The following SLC35F1 variants were observed in gnomAD, a reference collection of about 807,000 sequenced individuals.
SLC35F1 encodes chromosome 6 open reading frame 169.
Under a neutral mutation model 48.7 loss-of-function variants are expected in SLC35F1, and 14 were observed. That is an observed-to-expected ratio of 0.29 (90% CI 0.19 to 0.45). The LOEUF is 0.45. Among genes scored for constraint, SLC35F1 ranks in the 20% least tolerant of loss-of-function variants. The probability of loss-of-function intolerance (pLI) is 1.00; values close to 1 mark genes in which losing one functional copy is unlikely to be tolerated. For missense variants in SLC35F1, 404 were observed against 500.0 expected, an observed-to-expected ratio of 0.81 and a Z score of 1.83; for synonymous variants, 190 against 202.2, an observed-to-expected ratio of 0.94 and a Z score of 0.51.
intron 1 of SLC35F1, among the ~76,000 whole-genome samples, chr6:117,988,504 G>T (rs1267321435): frequency 6.6e-6 from 1 of 152,190 alleles, no homozygotes; most frequent in East Asian, 1.9e-4. Context: ...TTTATGCAGA[G>T]TTGAAAACTT....
intron 1 of SLC35F1, among the ~76,000 whole-genome samples, chr6:118,123,678 A>G (rs1773584872): frequency 6.8e-6 from 1 of 146,564 alleles, no homozygotes; most frequent in Non-Finnish European, 1.5e-5. Flanking sequence ...TTCTGAATTG[A>G]TACCCTGTAG....
intron 2 of SLC35F1, among the ~76,000 whole-genome samples, chr6:118,226,389 A>G (rs1364892583): frequency 6.6e-6 from 1 of 152,220 alleles, no homozygotes; most frequent in African/African-American, 2.4e-5. Flanking sequence ...AAATCAATAT[A>G]TCAAAGAGTT....
At chr6:117,931,336 A>G (rs1776099371) in intron 1 of SLC35F1, among the ~76,000 whole-genome samples, 1 of 152,220 alleles carries the variant, frequency 6.6e-6, no homozygotes. Context: ...TACAAACAAT[A>G]CTAGTATACA....
rs188622021 is a variant in SLC35F1 at position 117,964,133 on chromosome 6, G to A, written c.173+56234G>A. Among the ~76,000 whole-genome samples the A allele has an allele frequency of 1.4e-4, 21 of 152,262 alleles. No individual in the cohort carries two copies. The East Asian group carries it at 3.7e-3, about 27-fold the overall frequency. On this transcript the variant is annotated intron_variant, in intron 1 of 7. Coordinates refer to ENST00000360388, the MANE Select transcript of SLC35F1 (RefSeq NM_001029858.4). ...GATAATGGCTTCCAGCTCCATCCAC[G>A]TCCCTGCAAAGGACATGATCTTATT...
chr6:117,924,485 C>CGTATATAT (rs1554216922), intron 1 of SLC35F1, among the ~76,000 whole-genome samples: 1,496 of 144,150 alleles, frequency 0.01, 123 homozygotes, highest in African/African-American at 0.037. Context: ...TATGTATATA[C>CGTATATAT]GTATATACAT....
intron 1 of SLC35F1, among the ~76,000 whole-genome samples, chr6:117,913,477 A>G (rs1012568963): frequency 6.6e-6 from 1 of 152,352 alleles, no homozygotes; most frequent in South Asian, 2.1e-4. Context: ...GTTACACATA[A>G]TGCCTAAATA....
At chr6:118,128,780 G>T (rs1320782333) in intron 1 of SLC35F1, among the ~76,000 whole-genome samples, 3 of 151,364 alleles carry the variant, frequency 2.0e-5, no homozygotes, top group Admixed American at 2.0e-4. Flanking sequence ...CCTGCACATT[G>T]TGCACATGTA....
rs544269143 is a variant in SLC35F1, at chr6:118,187,599, C to T, written c.349+32979C>T. Among the ~76,000 whole-genome samples, 18 of 152,246 alleles carry T rather than the reference C, an allele frequency of 1.2e-4. No homozygotes were observed. In the South Asian group the frequency reaches 3.7e-3, roughly 32 times the overall value. On this transcript the variant is annotated intron_variant, in intron 2 of 7. Coordinates refer to ENST00000360388, the MANE Select transcript of SLC35F1 (RefSeq NM_001029858.4). ...CGCGTGGGTGGCTGGAGGGACTTCT[C>T]CCAAAGCTTCAAGATGAAATGACTT...
At chr6:118,032,785 G>A (rs538735026) in intron 1 of SLC35F1, among the ~76,000 whole-genome samples, 2 of 152,152 alleles carry the variant, frequency 1.3e-5, no homozygotes, top group African/African-American at 4.8e-5. Flanking sequence ...GGCATTTAAG[G>A]TCTTTACTTA....
At chr6:118,311,892 A>G (rs1013855601) in intron 7 of SLC35F1, among the ~76,000 whole-genome samples, 14 of 152,264 alleles carry the variant, frequency 9.2e-5, no homozygotes, top group African/African-American at 3.4e-4. Flanking sequence ...TAGTAATAAC[A>G]AAAACAATAA....
intron 1 of SLC35F1, among the ~76,000 whole-genome samples, chr6:118,146,924 C>T (rs1355524576): frequency 2.0e-5 from 3 of 152,136 alleles, no homozygotes; most frequent in East Asian, 3.8e-4. Context: ...GTGCACAGAT[C>T]AGTATCTTCT....
At chr6:118,103,194 T>C (rs1335344983) in intron 1 of SLC35F1, among the ~76,000 whole-genome samples, 5 of 152,224 alleles carry the variant, frequency 3.3e-5, no homozygotes, top group Non-Finnish European at 4.4e-5. Context: ...CTAATTTGTC[T>C]TATGAGCTGT....
chr6:118,304,633 T>C (rs1343327858), intron 7 of SLC35F1, among the ~76,000 whole-genome samples: 1 of 152,212 alleles, frequency 6.6e-6, no homozygotes, highest in Non-Finnish European at 1.5e-5. Flanking sequence ...ATCTTGGCTT[T>C]AGAATTTACT....
At chr6:118,008,894 T>C (rs981064363) in intron 1 of SLC35F1, among the ~76,000 whole-genome samples, 7 of 152,214 alleles carry the variant, frequency 4.6e-5, no homozygotes, top group African/African-American at 1.7e-4. Flanking sequence ...CTGCTCATGT[T>C]TTCATTTCTG....
chr6:117,984,582 C>G (rs949209825), intron 1 of SLC35F1, among the ~76,000 whole-genome samples: 5 of 151,288 alleles, frequency 3.3e-5, no homozygotes, highest in African/African-American at 1.2e-4. Context: ...TTAAGTGTTA[C>G]TGGATCCCAG....
chr6:118,196,170 C>G (rs1582723854), intron 2 of SLC35F1, among the ~76,000 whole-genome samples: 1 of 151,036 alleles, frequency 6.6e-6, no homozygotes, highest in Non-Finnish European at 1.5e-5. Flanking sequence ...CTTATTTGAA[C>G]ACAGTTTGAA....
chr6:117,916,609 G>A (rs1775829150), intron 1 of SLC35F1, among the ~76,000 whole-genome samples: 1 of 152,204 alleles, frequency 6.6e-6, no homozygotes, highest in Non-Finnish European at 1.5e-5. Context: ...TTCAGCTGGG[G>A]CACCTTGCCT....
intron 1 of SLC35F1, among the ~76,000 whole-genome samples, chr6:118,091,325 T>C (rs1241075271): frequency 6.6e-6 from 1 of 152,166 alleles, no homozygotes; most frequent in Admixed American, 6.5e-5. Flanking sequence ...CTGTGTGTTG[T>C]GGGAGGGACC....
chr6:117,965,092 G>T (rs1776543925), intron 1 of SLC35F1, among the ~76,000 whole-genome samples: 1 of 152,164 alleles, frequency 6.6e-6, no homozygotes, highest in Non-Finnish European at 1.5e-5. Context: ...GGATCTGGTA[G>T]AACTGACAGT....
Sources: gnomAD v4.1 joint callset for allele counts (sites outside exome capture counted in the v4.1 genomes callset) on GRCh38, gnomAD v4.1.1 for gene constraint, MANE v1.5 for transcripts, NCBI Gene and HGNC (gene_info 2026-07-23, HGNC 2026-07-21) for gene names.